The following SGK1 variants were observed in gnomAD, a reference collection of about 807,000 sequenced individuals.
The protein encoded by SGK1 is serum/glucocorticoid regulated kinase 1.
SGK1 carries 26 observed loss-of-function variants against 64.2 expected under a neutral mutation model. The observed-to-expected ratio is 0.40, with a 90% CI of 0.30 to 0.56. The LOEUF is 0.56. SGK1 is among the 20% of genes least tolerant of loss of function. SGK1 has a pLI of 0.38. For missense variants in SGK1, 519 were observed against 645.6 expected, an observed-to-expected ratio of 0.80 and a Z score of 2.12; for synonymous variants, 265 against 239.7, an observed-to-expected ratio of 1.11 and a Z score of -0.98.
chr6:134,300,876 T>A (rs1214138100), intron 1 of SGK1, among the ~76,000 whole-genome samples: 1 of 151,938 alleles, frequency 6.6e-6, no homozygotes, highest in Admixed American at 6.6e-5. Flanking sequence ...TCGGGTGATC[T>A]ACCCGCCTCG....
At position 134,172,767 on chromosome 6, in the gene SGK1, T is replaced by C. The variant is rs761992267; in HGVS notation, c.842A>G (p.Tyr281Cys). Residue 281 changes from tyrosine (Y) to cysteine (C), a missense_variant, in exon 9 of 14, where the codon TAC becomes TGC. By Grantham distance (194) the Tyr-to-Cys change is radical (BLOSUM62 -2). This residue lies in a region of SGK1 where 278 missense variants were observed against 408.7 expected (regional missense o/e 0.68). Transcript: ENST00000367858. ...GAAGCAGCGTTCCCTCTGGAGATGG[T>C]AGAACAACTGCAGGAGACAGAACAA... ...LDYINGGELFYHLQRERCFLE... is the reference protein window; with the variant it reads ...LDYINGGELFCHLQRERCFLE... 2 of 1,608,678 alleles carry C rather than the reference T, an allele frequency of 1.2e-6. No individual in the cohort carries two copies. The highest frequency in any genetic ancestry group is 1.1e-5 in the South Asian group (1 of 90,970).
At chr6:134,213,676 T>C (rs1775930835) in intron 2 of SGK1, among the ~76,000 whole-genome samples, 2 of 147,506 alleles carry the variant, frequency 1.4e-5, no homozygotes, top group South Asian at 2.1e-4. Flanking sequence ...ATGAAACACC[T>C]GTGGCTTAGC....
intron 3 of SGK1, chr6:134,175,543 C>G (rs1166008017): frequency 1.3e-6 from 2 of 1,516,934 alleles, no homozygotes; most frequent in African/African-American, 1.4e-5. Flanking sequence ...GCGGCGCTTA[C>G]CCAGTCCGCT....
intron 3 of SGK1, among the ~76,000 whole-genome samples, chr6:134,178,710 C>G (rs9791249): frequency 0.1 from 15,161 of 152,298 alleles, 886 homozygotes; most frequent in East Asian, 0.26. Context: ...CGGCTTCCCC[C>G]ACTTGTCTCC....
chr6:134,236,007 A>AT (rs1475486498), intron 2 of SGK1, among the ~76,000 whole-genome samples: 1 of 152,086 alleles, frequency 6.6e-6, no homozygotes, highest in Non-Finnish European at 1.5e-5. Context: ...GTCAGCCCTG[A>AT]TTTTGAGGCC....
chr6:134,305,132 T>G (rs1005958893), intron 1 of SGK1, among the ~76,000 whole-genome samples: 1 of 151,832 alleles, frequency 6.6e-6, no homozygotes, highest in African/African-American at 2.4e-5. Context: ...CCAAGACGGG[T>G]GGCTCACCTG....
chr6:134,189,103 T>C (rs1182872533), intron 3 of SGK1, among the ~76,000 whole-genome samples: 9 of 151,964 alleles, frequency 5.9e-5, no homozygotes, highest in African/African-American at 9.7e-5. Context: ...GTTGTGATTA[T>C]AGAATCCCTT....
chr6:134,311,002 G>A (rs1020971496), intron 1 of SGK1, among the ~76,000 whole-genome samples: 1 of 152,200 alleles, frequency 6.6e-6, no homozygotes, highest in African/African-American at 2.4e-5. Context: ...TAGAAGAGAA[G>A]GTGTGTTATG....
intron 3 of SGK1, among the ~76,000 whole-genome samples, chr6:134,206,253 C>CT (rs1775766410): frequency 6.7e-6 from 1 of 150,002 alleles, no homozygotes; most frequent in African/African-American, 2.5e-5. Context: ...TTCAACTCCT[C>CT]TGTCTTCTAC....
chr6:134,197,578 C>A (rs914226286), intron 3 of SGK1, among the ~76,000 whole-genome samples: 1 of 152,048 alleles, frequency 6.6e-6, no homozygotes, highest in Admixed American at 6.6e-5. Context: ...GTAATCCCAG[C>A]ACTTTGGGAG....
chr6:134,215,888 T>A (rs1235054558), intron 2 of SGK1, among the ~76,000 whole-genome samples: 1 of 151,962 alleles, frequency 6.6e-6, no homozygotes, highest in Non-Finnish European at 1.5e-5. Flanking sequence ...TGGTGGTGCA[T>A]GTCTGTAATC....
intron 3 of SGK1, among the ~76,000 whole-genome samples, chr6:134,175,348 C>A (rs550534920): frequency 6.6e-6 from 1 of 152,150 alleles, no homozygotes; most frequent in African/African-American, 2.4e-5. Context: ...CTCCCCAACC[C>A]GAGCCGGCGG....
chr6:134,176,073 C>T (rs1221800772), intron 3 of SGK1: 1 of 789,778 alleles, frequency 1.3e-6, no homozygotes, highest in Non-Finnish European at 1.5e-6. Flanking sequence ...CATTTTTAAT[C>T]TCTGCCATGC....
intron 1 of SGK1, among the ~76,000 whole-genome samples, chr6:134,283,873 CAAAAAAA>C (rs35999916): frequency 5.1e-3 from 133 of 26,128 alleles, no homozygotes; most frequent in African/African-American, 0.016. Flanking sequence ...CTGCCACCAC[CAAAAAAA>C]AAAAAAAAAA....
In SGK1 at chr6:134,170,345, C is replaced by T. The variant is rs774925063; in HGVS notation, c.1504G>A (p.Val502Ile). ...GCAGCTTCCTTGACGCTGGCTGTGA[C>T]GAGGACGCTGTCAGGGGACTTGCCA... is the stretch of plus-strand genomic sequence containing the variant. ...SIGKSPDSVLVTASVKEAAEA... is the reference protein window; with the variant it reads ...SIGKSPDSVLITASVKEAAEA... Residue 502 changes from valine (V) to isoleucine (I), a missense_variant, in exon 14 of 14, where the codon GTC (valine) becomes ATC (isoleucine). Around this residue, in one of 2 missense-constraint regions of SGK1, gnomAD observed 278 missense variants for 408.7 expected, o/e 0.68. Transcript: ENST00000367858. 2.7e-5 allele frequency: 44 copies of T among 1,614,012 alleles called. No individual in the cohort carries two copies. The highest frequency in any genetic ancestry group is 7.7e-5 in the South Asian group (7 of 91,072).
chr6:134,206,399 TTTTTTTTTA>T lies in SGK1; in HGVS notation c.361+948_361+956del, dbSNP rs1562250507. Among the ~76,000 whole-genome samples the T allele has an allele frequency of 4.2e-5, 5 of 119,814 alleles. No homozygotes were observed. The South Asian group carries it at 8.3e-4, about 20-fold the overall frequency. The allele number at this position is 119,814 out of a possible 152,430, so 78.6% of individuals were successfully genotyped here. A position where few individuals can be genotyped will look rare whatever the true frequency, so the allele number is the denominator to read the frequency against. On this transcript the variant is annotated intron_variant, in intron 3 of 13. Coordinates refer to ENST00000367858, the MANE Select transcript of SGK1 (RefSeq NM_001143676.3). The stretch of plus-strand genomic sequence containing the variant: ...TATATATATATTTTTTTTTTTTTTT[TTTTTTTTTA>T]AATGACAGGCAGGTAATGTGCAGAC...
intron 1 of SGK1, among the ~76,000 whole-genome samples, chr6:134,280,870 C>G (rs1196019735): frequency 2.6e-5 from 4 of 152,174 alleles, no homozygotes; most frequent in Non-Finnish European, 5.9e-5. Flanking sequence ...AGTTCAAGGC[C>G]AGCCTGGCCA....
intron 2 of SGK1, among the ~76,000 whole-genome samples, chr6:134,234,695 G>T (rs534821552): frequency 1.3e-5 from 2 of 152,212 alleles, no homozygotes; most frequent in East Asian, 3.9e-4. Flanking sequence ...TGGCCAACAT[G>T]GTGAAACCCC....
Position 134,170,328 on chromosome 6 carries a change from C to T in SGK1, c.1521G>A (p.Lys507=). 1 of 1,614,118 alleles carries T rather than the reference C, an allele frequency of 6.2e-7. No homozygotes were observed. The highest frequency in any genetic ancestry group is 2.2e-5 in the East Asian group (1 of 44,886). ...AGCCTAGGAAAGCCTCGGCAGCTTC[C>T]TTGACGCTGGCTGTGACGAGGACGC... ...PDSVLVTASV[K]EAAEAFLGFS... The change falls in exon 14 of 14, where the codon AAG becomes AAA. Residue 507 remains lysine (K), a synonymous_variant. Coordinates refer to ENST00000367858, the MANE Select transcript of SGK1 (RefSeq NM_001143676.3).
Sources: allele counts gnomAD v4.1 joint callset (sites outside exome capture counted in the v4.1 genomes callset), GRCh38; gene constraint gnomAD v4.1.1; regional missense constraint gnomAD v4.1.1; transcripts MANE v1.5; gene names NCBI Gene and HGNC (gene_info 2026-07-23, HGNC 2026-07-21).